TECPR2: variants seen among roughly 807,000 people sequenced by gnomAD.
The protein encoded by TECPR2 is tectonin beta-propeller repeat containing 2.
A neutral mutation model predicts 138.1 loss-of-function variants in TECPR2; 65 were observed. The ratio of observed to expected loss-of-function variants is 0.47; its 90% CI spans 0.39 to 0.58. The LOEUF is 0.58. TECPR2 is among the 20% of genes least tolerant of loss of function. The pLI is 0.00. For synonymous variants in TECPR2, 746 were observed against 749.8 expected, an observed-to-expected ratio of 0.99 and a Z score of 0.08; for missense variants, 1,553 against 1,824.5, an observed-to-expected ratio of 0.85 and a Z score of 2.71.
At chr14:102,472,663 G>A (rs1298954697) in intron 17 of TECPR2, among the ~76,000 whole-genome samples, 1 of 152,164 alleles carries the variant, frequency 6.6e-6, no homozygotes, top group East Asian at 1.9e-4. Context: ...ATGTACACAG[G>A]CCTTTCTACT....
intron 7 of TECPR2, 52 bp downstream of exon 7, chr14:102,428,434 CTGTTGTT>C (rs2139721591): frequency 6.3e-7 from 1 of 1,594,088 alleles, no homozygotes; most frequent in East Asian, 2.2e-5. Context: ...GTACTATACT[CTGTTGTT>C]TGTAATTGCA....
Position 102,390,744 on chromosome 14 carries a change from A to C in TECPR2, c.219+13804A>C, listed in dbSNP as rs906565766. Among the ~76,000 whole-genome samples the C allele has an allele frequency of 1.1e-4, 16 of 151,914 alleles. 1 individual carries two copies. Among genetic ancestry groups the C allele is most frequent in the African/African-American group, 3.6e-4 (15 of 41,350 alleles). On this transcript the variant is annotated intron_variant, in intron 2 of 19. Transcript: ENST00000359520. ...TTACAGTGGTTTGATCAGAAATTGC[A>C]CCATGCTTGCCAAGCAACTTTTGGA...
chr14:102,383,661 G>C (rs757918207), intron 2 of TECPR2, among the ~76,000 whole-genome samples: 1 of 151,940 alleles, frequency 6.6e-6, no homozygotes, highest in Non-Finnish European at 1.5e-5. Context: ...ACTTGCCTCG[G>C]CCTCCTAAAG....
At chr14:102,475,787 T>C (rs1416235133) in intron 17 of TECPR2, among the ~76,000 whole-genome samples, 2 of 152,036 alleles carry the variant, frequency 1.3e-5, no homozygotes, top group Non-Finnish European at 2.9e-5. Flanking sequence ...AATCCGTCAA[T>C]AGGAGCTGAC....
In TECPR2 at chr14:102,420,536, G is replaced by A. The variant is rs929174671; in HGVS notation, c.639-4443G>A. Among the ~76,000 whole-genome samples, 1 of 152,074 alleles carries A rather than the reference G, an allele frequency of 6.6e-6. No individual in the cohort carries two copies. Among genetic ancestry groups the A allele is most frequent in the African/African-American group, 2.4e-5 (1 of 41,384 alleles). On this transcript the variant is annotated intron_variant, in intron 5 of 19. Transcript: ENST00000359520. This position sits in a 1 kb window ranked among gnomAD's most constrained non-coding sequence, Gnocchi z 4.1. ...CACCAAGGCTGGGGTGCAGTGGTGTGATCACAGCTCACTGCAGCCTTGAAC... is the reference window on the plus strand; with the variant it reads ...CACCAAGGCTGGGGTGCAGTGGTGTAATCACAGCTCACTGCAGCCTTGAAC...
intron 2 of TECPR2, among the ~76,000 whole-genome samples, chr14:102,393,006 CT>C (rs1394087092): frequency 2.0e-5 from 3 of 152,142 alleles, no homozygotes; most frequent in Admixed American, 2.0e-4. Context: ...TTTTCCCTAG[CT>C]TACTCCTTCA....
chr14:102,465,730 C>T (rs1354230834), intron 17 of TECPR2: 1 of 874,554 alleles, frequency 1.1e-6, no homozygotes, highest in African/African-American at 1.8e-5. Context: ...ATTCCGTTTC[C>T]TGTCCAGCCC....
chr14:102,362,989 T>TCGGTGCTGGCCC lies in TECPR2; in HGVS notation c.-193_-182dup, dbSNP rs1464704897. 26 of 1,194,620 alleles carry TCGGTGCTGGCCC rather than the reference T, an allele frequency of 2.2e-5. No homozygotes were observed. Among genetic ancestry groups the TCGGTGCTGGCCC allele is most frequent in the Non-Finnish European group, 2.3e-5 (19 of 834,370 alleles). The allele number at this position is 1,194,620 out of a possible 1,614,324, so 74.0% of individuals were successfully genotyped here. On this transcript the variant is annotated 5_prime_UTR_variant, in exon 1 of 20. Coordinates refer to ENST00000359520, the MANE Select transcript of TECPR2 (RefSeq NM_014844.5). Reference sequence around the variant, plus strand: ...CCCCGGCGGAGCCAGCTGCTGCTCTTCGGTGCTGGCCCCGGTGCCGGCCCC... The same window carrying TCGGTGCTGGCCC: ...CCCCGGCGGAGCCAGCTGCTGCTCTTCGGTGCTGGCCCCGGTGCTGGCCCCGGTGCCGGCCCC...
At chr14:102,452,728 T>A in intron 16 of TECPR2, 101 bp downstream of exon 16, 1 of 893,672 alleles carries the variant, frequency 1.1e-6, no homozygotes, top group Non-Finnish European at 1.7e-6. Context: ...GTCCAACCTG[T>A]GAGAGTTCTG....
In TECPR2 at chr14:102,362,996, T is replaced by TGGCCCCGGTGCC. The variant is rs1300911237; in HGVS notation, c.-185_-174dup. 72 of 1,104,896 alleles carry TGGCCCCGGTGCC rather than the reference T, an allele frequency of 6.5e-5. No homozygotes were observed. In the East Asian group the frequency reaches 8.1e-4, roughly 12 times the overall value. The allele number at this position is 1,104,896 out of a possible 1,614,324, so 68.4% of individuals were successfully genotyped here. A position where few individuals can be genotyped will look rare whatever the true frequency, so the allele number is the denominator to read the frequency against. On this transcript the variant is annotated 5_prime_UTR_variant, in exon 1 of 20. Coordinates refer to ENST00000359520, the MANE Select transcript of TECPR2 (RefSeq NM_014844.5). ...GGAGCCAGCTGCTGCTCTTCGGTGC[T>TGGCCCCGGTGCC]GGCCCCGGTGCCGGCCCCGTTGCCC...
chr14:102,427,881 T>G (rs1434093260), intron 6 of TECPR2, among the ~76,000 whole-genome samples: 1 of 152,118 alleles, frequency 6.6e-6, no homozygotes, highest in East Asian at 1.9e-4. Context: ...GAACTGGAAC[T>G]TCCCCAGCAA....
At chr14:102,368,385 G>A (rs1887403722) in intron 1 of TECPR2, among the ~76,000 whole-genome samples, 2 of 152,104 alleles carry the variant, frequency 1.3e-5, no homozygotes, top group Admixed American at 1.3e-4. Context: ...TTTTGTTGTT[G>A]TTTTGAGATG....
chr14:102,410,324 G>A (rs969728514), intron 4 of TECPR2, among the ~76,000 whole-genome samples: 3 of 140,152 alleles, frequency 2.1e-5, no homozygotes, highest in African/African-American at 8.0e-5. Flanking sequence ...CAAACACTGC[G>A]GAAGGCCGCA....
chr14:102,469,807 G>A (rs1056754270), intron 17 of TECPR2, among the ~76,000 whole-genome samples: 1 of 152,014 alleles, frequency 6.6e-6, no homozygotes, highest in Non-Finnish European at 1.5e-5. Context: ...ATGATGAAAG[G>A]GTGTTGGGTT....
At chr14:102,369,061 C>A (rs920263920) in intron 1 of TECPR2, among the ~76,000 whole-genome samples, 1 of 152,296 alleles carries the variant, frequency 6.6e-6, no homozygotes, top group Middle Eastern at 3.4e-3. Context: ...TCCCTGGGTT[C>A]TGAAGTTGCT....
At chr14:102,457,869 C>CTTTTTTTTTTTTTTTTTTT (rs748372168) in intron 16 of TECPR2, among the ~76,000 whole-genome samples, 16 of 102,742 alleles carry the variant, frequency 1.6e-4, no homozygotes, top group African/African-American at 2.9e-4. Context: ...ACTAAATTCC[C>CTTTTTTTTTTTTTTTTTTT]TTTTTTTTTT....
chr14:102,380,144 TCA>T (rs1319475991), intron 2 of TECPR2, among the ~76,000 whole-genome samples: 1 of 150,102 alleles, frequency 6.7e-6, no homozygotes, highest in Non-Finnish European at 1.5e-5. Context: ...GGCGTCCTGG[TCA>T]CACTGCTGAA....
intron 4 of TECPR2, among the ~76,000 whole-genome samples, chr14:102,411,699 CAAA>C (rs1173849759): frequency 1.3e-3 from 62 of 46,842 alleles, no homozygotes; most frequent in African/African-American, 7.2e-3. Flanking sequence ...CCATGTTGCT[CAAA>C]AAAAAAAAAA....
chr14:102,407,276 C>T (rs752852724), intron 2 of TECPR2, 62 bp from the exon 3 acceptor site: 75 of 1,524,550 alleles, frequency 4.9e-5, no homozygotes, highest in Non-Finnish European at 6.2e-5. Flanking sequence ...TAATGTCCTC[C>T]TTGTTTTACA....
Sources: gnomAD v4.1 joint callset for allele counts (sites outside exome capture counted in the v4.1 genomes callset) on GRCh38, gnomAD v4.1.1 for gene constraint, Gnocchi (gnomAD v3.1) non-coding constraint, MANE v1.5 for transcripts, NCBI Gene and HGNC (gene_info 2026-07-23, HGNC 2026-07-21) for gene names.